LRFN5: variants seen among roughly 807,000 people sequenced by gnomAD.
LRFN5 encodes leucine-rich repeat and fibronectin type-III domain-containing protein 5.
A neutral mutation model predicts 45.6 loss-of-function variants in LRFN5; 24 were observed. The observed-to-expected ratio is 0.53, with a 90% confidence interval of 0.38 to 0.74. The LOEUF (loss-of-function observed/expected upper bound fraction) is 0.74. LRFN5 is among the 30% of genes least tolerant of loss of function. The probability of loss-of-function intolerance (pLI) is 0.00; values close to 1 mark genes in which losing one functional copy is unlikely to be tolerated. For synonymous variants in LRFN5, 340 were observed against 313.8 expected (o/e 1.08, Z -0.88); for missense variants, 776 against 861.5 (o/e 0.90, Z 1.24).
At position 41,607,525 on chromosome 14, in the gene LRFN5, G is replaced by C. The variant is rs1369782477; in HGVS notation, c.-1234G>C. On this transcript the variant is annotated 5_prime_UTR_variant, in exon 1 of 6. Coordinates refer to ENST00000298119, the MANE Select transcript of LRFN5 (RefSeq NM_152447.5). ...TGTAAGCCGCTTTCCAGCTAGCTGC[G>C]TGTGTGTGTGCGCGCGCGTGTGTAC... 1 of 144,644 alleles carries C rather than the reference G, an allele frequency of 6.9e-6. No individual in the cohort carries two copies. Among genetic ancestry groups the C allele is most frequent in the Non-Finnish European group, 1.5e-5 (1 of 65,960 alleles). 9.0% of individuals were successfully genotyped at this position (144,644 alleles called of 1,614,324 possible). A position where few individuals can be genotyped will look rare whatever the true frequency, so the allele number is the denominator to read the frequency against.
intron 1 of LRFN5, among the ~76,000 whole-genome samples, chr14:41,642,185 A>G (rs1460701354): frequency 1.3e-5 from 2 of 152,200 alleles, no homozygotes; most frequent in South Asian, 2.1e-4. Context: ...CATAACTCTT[A>G]TAACACTTTC....
chr14:41,647,090 C>A (rs1879851951), intron 1 of LRFN5, among the ~76,000 whole-genome samples: 1 of 152,118 alleles, frequency 6.6e-6, no homozygotes, highest in Non-Finnish European at 1.5e-5. Flanking sequence ...CTAACATTAG[C>A]CCCAAGTCTT....
chr14:41,725,285 C>G (rs1379380813), intron 1 of LRFN5, among the ~76,000 whole-genome samples: 1 of 152,166 alleles, frequency 6.6e-6, no homozygotes, highest in Non-Finnish European at 1.5e-5. Context: ...GTGGGGCTAG[C>G]TGACTTTGGA....
In LRFN5 at chr14:41,671,616, C is replaced by CTTTTTTTTTTTT. The variant is rs1566613142; in HGVS notation, c.-197+63054_-197+63055insTTTTTTTTTTTT. Among the ~76,000 whole-genome samples, 20 of 37,178 alleles carry CTTTTTTTTTTTT rather than the reference C, an allele frequency of 5.4e-4. No homozygotes were observed. In the East Asian group the frequency reaches 6.9e-3, roughly 13 times the overall value. The allele number at this position is 37,178 out of a possible 152,430, so 24.4% of individuals were successfully genotyped here. A position where few individuals can be genotyped will look rare whatever the true frequency, so the allele number is the denominator to read the frequency against. ...ATGTGGAGGAGAGATTTTTTTTTTTCGTTTTTTTTTTTTTTTTTTTTACGG... is the reference window on the plus strand; with the variant it reads ...ATGTGGAGGAGAGATTTTTTTTTTTCTTTTTTTTTTTTGTTTTTTTTTTTTTTTTTTTTACGG... On this transcript the variant is annotated intron_variant, in intron 1 of 5. Coordinates refer to ENST00000298119, the MANE Select transcript of LRFN5 (RefSeq NM_152447.5).
At chr14:41,661,125 C>T (rs1880631764) in intron 1 of LRFN5, among the ~76,000 whole-genome samples, 1 of 151,346 alleles carries the variant, frequency 6.6e-6, no homozygotes, top group Non-Finnish European at 1.5e-5. Flanking sequence ...AAAATAAATC[C>T]TTTAGAGATT....
At chr14:41,794,284 C>T (rs1887040095) in intron 2 of LRFN5, among the ~76,000 whole-genome samples, 1 of 151,928 alleles carries the variant, frequency 6.6e-6, no homozygotes, top group Admixed American at 6.6e-5. Flanking sequence ...TAATCTCTGT[C>T]TAACATATAA....
In LRFN5 at chr14:41,891,258, C is replaced by G; in HGVS notation, c.1394C>G (p.Pro465Arg). 3 of 1,612,680 alleles carry G rather than the reference C, an allele frequency of 1.9e-6. No individual in the cohort carries two copies. Among genetic ancestry groups the G allele is most frequent in the Non-Finnish European group, 2.5e-6 (3 of 1,179,840 alleles). ...YDDTLVYRMI[P>R]PTSKTFLVNN... ...ATTCCATTGTCCCTCAGAATGATAC[C>G]TCCTACGAGCAAAACTTTTCTGGTC... The change falls in exon 4 of 6, where the codon CCT becomes CGT. Residue 465 changes from proline (P) to arginine (R), a missense_variant. By Grantham distance (103) the Pro-to-Arg change is moderately radical. Transcript: ENST00000298119.
rs371279525 is a variant in LRFN5, at chr14:41,818,447, T to G, written c.-21+51418T>G. Among the ~76,000 whole-genome samples the G allele has an allele frequency of 3.1e-4, 47 of 152,144 alleles. No individual in the cohort carries two copies. In the East Asian group the frequency reaches 6.4e-3, roughly 21 times the overall value. On this transcript the variant is annotated intron_variant, in intron 2 of 5. Transcript: ENST00000298119. ...TTAACCAAACTTTATTTATGTTTAA[T>G]AACTAAATATATCATTTACATATAT...
intron 1 of LRFN5, among the ~76,000 whole-genome samples, chr14:41,621,190 T>C (rs1888123922): frequency 6.6e-6 from 1 of 152,126 alleles, no homozygotes; most frequent in Admixed American, 6.6e-5. Context: ...CAATGTCATA[T>C]CATTCTAAAG....
At chr14:41,783,188 C>T (rs534566306) in intron 2 of LRFN5, among the ~76,000 whole-genome samples, 14 of 152,066 alleles carry the variant, frequency 9.2e-5, no homozygotes, top group South Asian at 2.1e-4. Flanking sequence ...TCAATCAGAT[C>T]GGTGGGTTTA....
At chr14:41,668,722 T>G (rs1214965846) in intron 1 of LRFN5, among the ~76,000 whole-genome samples, 4 of 152,170 alleles carry the variant, frequency 2.6e-5, no homozygotes, top group African/African-American at 7.2e-5. Flanking sequence ...TTAGAATTAG[T>G]AAGTCTCAGA....
chr14:41,844,391 CTT>C (rs2139061498), intron 2 of LRFN5, among the ~76,000 whole-genome samples: 1 of 149,620 alleles, frequency 6.7e-6, no homozygotes, highest in African/African-American at 2.5e-5. Context: ...GAGCGGAGAT[CTT>C]GCCACCACAC....
chr14:41,727,468 GA>G (rs11354580), intron 1 of LRFN5, among the ~76,000 whole-genome samples: 15,958 of 151,192 alleles, frequency 0.11, 1,356 homozygotes, highest in East Asian at 0.41. Context: ...AAATAGGAAA[GA>G]AAAAAAATTA....
chr14:41,650,501 A>G (rs1009874742), intron 1 of LRFN5, among the ~76,000 whole-genome samples: 1 of 152,126 alleles, frequency 6.6e-6, no homozygotes, highest in African/African-American at 2.4e-5. Context: ...TCGGTGAGCT[A>G]ATGGAAATTT....
intron 1 of LRFN5, among the ~76,000 whole-genome samples, chr14:41,713,421 C>T (rs1566632601): frequency 1.3e-5 from 2 of 151,852 alleles, no homozygotes; most frequent in South Asian, 4.1e-4. Flanking sequence ...ACATCTAGTA[C>T]AAAGACAATC....
At chr14:41,773,110 C>T (rs1359415562) in intron 2 of LRFN5, among the ~76,000 whole-genome samples, 1 of 152,136 alleles carries the variant, frequency 6.6e-6, no homozygotes, top group African/African-American at 2.4e-5. Flanking sequence ...TTTAACATGG[C>T]TTACAATGTT....
intron 2 of LRFN5, among the ~76,000 whole-genome samples, chr14:41,837,972 TG>T (rs1438795285): frequency 6.6e-6 from 1 of 152,198 alleles, no homozygotes; most frequent in Non-Finnish European, 1.5e-5. Flanking sequence ...CATATCCACA[TG>T]AGACTATATT....
chr14:41,901,042 C>G (rs116192525), intron 5 of LRFN5, among the ~76,000 whole-genome samples: 1,781 of 151,988 alleles, frequency 0.012, 31 homozygotes, highest in African/African-American at 0.041. Context: ...AGAATATGCC[C>G]CATGCCAATT....
At chr14:41,696,683 C>A (rs1055159517) in intron 1 of LRFN5, among the ~76,000 whole-genome samples, 29 of 151,954 alleles carry the variant, frequency 1.9e-4, no homozygotes, top group African/African-American at 7.0e-4. Flanking sequence ...TATATTCCCA[C>A]TAACAGTGTA....
Sources: allele counts gnomAD v4.1 joint callset (sites outside exome capture counted in the v4.1 genomes callset), GRCh38; gene constraint gnomAD v4.1.1; transcripts MANE v1.5; gene names NCBI Gene and HGNC (gene_info 2026-07-23, HGNC 2026-07-21).